The following NUP214 variants were observed in gnomAD, a reference collection of about 807,000 sequenced individuals.
The protein encoded by NUP214 is nuclear pore complex protein Nup214.
Under a neutral mutation model 196.2 loss-of-function variants are expected in NUP214, and 79 were observed. The observed-to-expected ratio is 0.40, with a 90% CI of 0.34 to 0.49. NUP214 has a LOEUF of 0.49. NUP214 is among the 20% of genes least tolerant of loss of function. The pLI is 0.58. For synonymous variants in NUP214, 1,020 were observed against 990.5 expected (o/e 1.03, Z -0.56); for missense variants, 2,468 against 2,539.0 (o/e 0.97, Z 0.60).
chr9:131,157,496 ACT>A (rs1457280256), intron 17 of NUP214, among the ~76,000 whole-genome samples: 3 of 113,742 alleles, frequency 2.6e-5, no homozygotes, highest in African/African-American at 1.1e-4. Flanking sequence ...AGAGAGTCTC[ACT>A]CTGTTGCCCA....
intron 10 of NUP214, 35 bp downstream of exon 10, chr9:131,139,442 C>G: frequency 6.3e-7 from 1 of 1,595,618 alleles, no homozygotes; most frequent in Non-Finnish European, 8.5e-7. Flanking sequence ...CAGAAATAGT[C>G]TTCTTTCTAG....
intron 10 of NUP214, 84 bp downstream of exon 10, chr9:131,139,491 CAG>C: frequency 7.7e-6 from 12 of 1,558,872 alleles, no homozygotes; most frequent in Non-Finnish European, 1.0e-5. Flanking sequence ...ATGTTACTGA[CAG>C]AGTCTACTCT....
At chr9:131,150,446 A>G (rs769347200) in intron 15 of NUP214, 36 bp downstream of exon 15, 3 of 1,607,054 alleles carry the variant, frequency 1.9e-6, no homozygotes, top group African/African-American at 1.3e-5. Context: ...TTCTGAAAGT[A>G]GCTGACAGAC....
intron 8 of NUP214, chr9:131,135,208 G>T: frequency 2.0e-6 from 1 of 507,472 alleles, no homozygotes; most frequent in South Asian, 3.2e-5. Context: ...TTCCACCTCA[G>T]CCTCCCAGAT....
At chr9:131,138,882 C>G (rs1159508883) in intron 9 of NUP214, among the ~76,000 whole-genome samples, 1 of 152,142 alleles carries the variant, frequency 6.6e-6, no homozygotes, top group African/African-American at 2.4e-5. Context: ...AGTTCCTGGC[C>G]CCAATCCAAA....
rs1416413935 is a variant in NUP214 at position 131,233,616 on chromosome 9, G to A, written c.*129G>A. ...CACATACACCCAGAAAGAAACAACA[G>A]AAACCAAAACTCACAAGGCGCATGA... On this transcript the variant is annotated 3_prime_UTR_variant, in exon 36 of 36. Coordinates refer to ENST00000359428, the MANE Select transcript of NUP214 (RefSeq NM_005085.4). The A allele has an allele frequency of 6.9e-6, 7 of 1,011,972 alleles. No homozygotes were observed. Among genetic ancestry groups the A allele is most frequent in the Non-Finnish European group, 9.1e-6 (6 of 661,796 alleles). The allele number at this position is 1,011,972 out of a possible 1,614,324, so 62.7% of individuals were successfully genotyped here. A position where few individuals can be genotyped will look rare whatever the true frequency, so the allele number is the denominator to read the frequency against.
Position 131,128,392 on chromosome 9 carries a change from G to C in NUP214, c.302G>C (p.Ser101Thr), listed in dbSNP as rs1281716429. The change falls in exon 3 of 36, where the codon AGC becomes ACC. Residue 101 changes from serine (S) to threonine (T), a missense_variant. Coordinates refer to ENST00000359428, the MANE Select transcript of NUP214 (RefSeq NM_005085.4). ...MKFPIHHLAL[S>T]CDNLTLSACM... ...TTCCCAATCCATCACCTGGCCTTGAGCTGTGATAACCTCACACTCTCTGCG... is the reference window on the plus strand; with the variant it reads ...TTCCCAATCCATCACCTGGCCTTGACCTGTGATAACCTCACACTCTCTGCG... 3 of 1,613,506 alleles carry C rather than the reference G, an allele frequency of 1.9e-6. No individual in the cohort carries two copies. Among genetic ancestry groups the C allele is most frequent in the Admixed American group, 1.7e-5 (1 of 59,976 alleles).
At chr9:131,220,984 C>T (rs913973154) in intron 31 of NUP214, among the ~76,000 whole-genome samples, 2 of 152,178 alleles carry the variant, frequency 1.3e-5, no homozygotes, top group African/African-American at 4.8e-5. Flanking sequence ...CCCAGTCTTG[C>T]CCTTGAATTT....
chr9:131,138,180 TCTC>T (rs1831795847), intron 9 of NUP214, among the ~76,000 whole-genome samples: 1 of 151,032 alleles, frequency 6.6e-6, no homozygotes, highest in African/African-American at 2.4e-5. Flanking sequence ...TCTCTTTCCT[TCTC>T]CTTCCTTTTC....
intron 5 of NUP214, among the ~76,000 whole-genome samples, chr9:131,132,048 G>A (rs1257116975): frequency 1.3e-5 from 2 of 150,362 alleles, no homozygotes; most frequent in Non-Finnish European, 2.9e-5. Flanking sequence ...TGCAAATGGT[G>A]TTGCATTGAC....
chr9:131,141,959 G>A (rs749415610), intron 11 of NUP214, among the ~76,000 whole-genome samples: 4 of 152,028 alleles, frequency 2.6e-5, no homozygotes, highest in Admixed American at 6.6e-5. Context: ...ATAACTTAGG[G>A]GTATATTCTC....
At chr9:131,229,572 CA>C (rs1834814847) in intron 33 of NUP214, 1 of 406,506 alleles carries the variant, frequency 2.5e-6, no homozygotes, top group African/African-American at 2.1e-5. Flanking sequence ...GGCTCTCACA[CA>C]AATCCCGATT....
chr9:131,198,280 G>C lies in NUP214; in HGVS notation c.4786G>C (p.Val1596Leu), dbSNP rs755943446. Residue 1596 changes from valine to leucine, a missense_variant, in exon 29 of 36, where the codon GTC (valine) becomes CTC (leucine). By Grantham distance (32) the Val-to-Leu change is conservative. Transcript: ENST00000359428. ...SSFSVPGQTA[V>L]TAAAISSAGP... ...CTTTTCTGTGCCTGGGCAGACTGCT[G>C]TCACAGCAGCTGCTATCTCAAGTGC... 4.9e-5 allele frequency: 79 copies of C among 1,614,208 alleles called. No individual in the cohort carries two copies. The South Asian group carries it at 8.3e-4, about 17-fold the overall frequency.
At chr9:131,219,666 C>T (rs1397984979) in intron 31 of NUP214, among the ~76,000 whole-genome samples, 3 of 152,204 alleles carry the variant, frequency 2.0e-5, no homozygotes, top group African/African-American at 7.2e-5. Flanking sequence ...GGACCTGTTG[C>T]CTCCTTTAGT....
rs1472129492 is a variant in NUP214, at chr9:131,197,594, G to A, written c.4100G>A (p.Gly1367Asp). 1 of 1,614,150 alleles carries A rather than the reference G, an allele frequency of 6.2e-7. No individual in the cohort carries two copies. The highest frequency in any genetic ancestry group is 8.5e-7 in the Non-Finnish European group (1 of 1,180,016). The change falls in exon 29 of 36, where the codon GGC (glycine) becomes GAC (aspartate). Residue 1367 changes from glycine to aspartate, a missense_variant. Around this residue, in one of 5 missense-constraint regions of NUP214, gnomAD observed 1,801 missense variants for 1,779.4 expected, o/e 1.01. Coordinates refer to ENST00000359428, the MANE Select transcript of NUP214 (RefSeq NM_005085.4). Reference protein sequence around the residue: ...LTSTQPTKTSGVPSGFNFTAP... With the variant: ...LTSTQPTKTSDVPSGFNFTAP... ...AGTACCCAGCCAACCAAGACGTCAG[G>A]CGTGCCCTCAGGGTTTAATTTTACT...
chr9:131,171,709 G>C lies in NUP214; in HGVS notation c.2894-2346G>C, dbSNP rs572760424. 2.2e-3 allele frequency among the ~76,000 whole-genome samples: 331 copies of C among 151,486 alleles called. 4 individuals are homozygous for C. Among genetic ancestry groups the C allele is most frequent in the African/African-American group, 7.7e-3 (319 of 41,200 alleles). On this transcript the variant is annotated intron_variant, in intron 21 of 35. Transcript: ENST00000359428. ...CTAATGCTATCCCTCCCTCCTCCCC[G>C]CACCCCACAACAGTCCCCAGAGTGT... is the stretch of plus-strand genomic sequence containing the variant.
At chr9:131,210,195 A>G (rs1018311107) in intron 30 of NUP214, among the ~76,000 whole-genome samples, 2 of 152,262 alleles carry the variant, frequency 1.3e-5, no homozygotes, top group Non-Finnish European at 1.5e-5. Flanking sequence ...AATTTTTAAA[A>G]TCAGCAAAAA....
rs1564181161 is a variant in NUP214, at chr9:131,140,560, A to G, written c.1144A>G (p.Thr382Ala). 3 of 1,604,678 alleles carry G rather than the reference A, an allele frequency of 1.9e-6. No homozygotes were observed. Among genetic ancestry groups the G allele is most frequent in the Non-Finnish European group, 2.5e-6 (3 of 1,177,554 alleles). The change falls in exon 11 of 36, where the codon ACT becomes GCT. Residue 382 changes from threonine (T) to alanine (A), a missense_variant. By Grantham distance (58) the Thr-to-Ala change is moderately conservative. Coordinates refer to ENST00000359428, the MANE Select transcript of NUP214 (RefSeq NM_005085.4). ...TTCTTTTTTAACAGGTGATGAAAAGACTCTTCCTCCTGCTCCAGTTCTCAT... is the reference window on the plus strand; with the variant it reads ...TTCTTTTTTAACAGGTGATGAAAAGGCTCTTCCTCCTGCTCCAGTTCTCAT... ...QVEITISDEK[T>A]LPPAPVLMLL...
intron 28 of NUP214, chr9:131,195,555 T>C: frequency 2.7e-6 from 1 of 371,804 alleles, no homozygotes; most frequent in Non-Finnish European, 4.8e-6. Flanking sequence ...AATGTTAACA[T>C]GTGAATTAAA....
Sources: allele counts gnomAD v4.1 joint callset (sites outside exome capture counted in the v4.1 genomes callset), GRCh38; gene constraint gnomAD v4.1.1; regional missense constraint gnomAD v4.1.1; transcripts MANE v1.5; gene names NCBI Gene and HGNC (gene_info 2026-07-23, HGNC 2026-07-21).